AGBL4: variants seen among roughly 807,000 people sequenced by gnomAD.
The protein encoded by AGBL4 is cytosolic carboxypeptidase 6.
In AGBL4, 58 loss-of-function variants were observed where a neutral mutation model predicts 66.4. The ratio of observed to expected loss-of-function variants is 0.87; its 90% CI spans 0.71 to 1.09. The LOEUF (loss-of-function observed/expected upper bound fraction) is 1.09. AGBL4 is among the 50% of genes least tolerant of loss of function. The pLI, the probability that AGBL4 is intolerant of heterozygous loss-of-function variation, is 0.00. For missense variants in AGBL4, 579 were observed against 631.0 expected, an observed-to-expected ratio of 0.92 and a Z score of 0.88; for synonymous variants, 234 against 222.9, an observed-to-expected ratio of 1.05 and a Z score of -0.44.
intron 3 of AGBL4, among the ~76,000 whole-genome samples, chr1:49,652,085 T>C (rs1438288617): frequency 6.6e-6 from 1 of 152,010 alleles, no homozygotes; most frequent in Non-Finnish European, 1.5e-5. Flanking sequence ...AGACCAAGCA[T>C]AAGGAAGAAT....
intron 6 of AGBL4, among the ~76,000 whole-genome samples, chr1:48,775,286 C>G (rs1200587085): frequency 6.6e-6 from 1 of 152,154 alleles, no homozygotes; most frequent in African/African-American, 2.4e-5. Context: ...AGTTCTTCCA[C>G]TCTTCAACTT....
chr1:49,251,608 C>A (rs1652069107), intron 3 of AGBL4, among the ~76,000 whole-genome samples: 1 of 152,232 alleles, frequency 6.6e-6, no homozygotes, highest in African/African-American at 2.4e-5. Context: ...AGGGGCCCTG[C>A]CTCTTCACAA....
At chr1:49,079,150 T>G (rs986917129) in intron 4 of AGBL4, among the ~76,000 whole-genome samples, 1 of 152,202 alleles carries the variant, frequency 6.6e-6, no homozygotes, top group Non-Finnish European at 1.5e-5. Flanking sequence ...CAAAAATATT[T>G]ATTAAACCCA....
intron 3 of AGBL4, among the ~76,000 whole-genome samples, chr1:49,442,094 T>C (rs1463631371): frequency 6.6e-6 from 1 of 152,168 alleles, no homozygotes; most frequent in East Asian, 1.9e-4. Context: ...AGATCCAGTG[T>C]TGTCTTATTT....
At chr1:49,440,131 G>A (rs923714358) in intron 3 of AGBL4, among the ~76,000 whole-genome samples, 1 of 147,152 alleles carries the variant, frequency 6.8e-6, no homozygotes, top group Non-Finnish European at 1.5e-5. Context: ...GTGCAGTGGT[G>A]CAATCTCTGC....
At position 48,552,417 on chromosome 1, in the gene AGBL4, C is replaced by T. The variant is rs184395952; in HGVS notation, c.1268-12679G>A. On this transcript the variant is annotated intron_variant, in intron 11 of 13. Coordinates refer to ENST00000371839, the MANE Select transcript of AGBL4 (RefSeq NM_032785.4). ...TCAACAGATAAGTTATCAATCACCTCCTCTGTGCTGGGCCATGTAATAGGT... is the reference window on the plus strand; with the variant it reads ...TCAACAGATAAGTTATCAATCACCTTCTCTGTGCTGGGCCATGTAATAGGT... Among the ~76,000 whole-genome samples the T allele has an allele frequency of 2.3e-3, 345 of 152,330 alleles. 2 individuals carry two copies. The highest frequency in any genetic ancestry group is 8.0e-3 in the African/African-American group (331 of 41,564).
intron 5 of AGBL4, among the ~76,000 whole-genome samples, chr1:48,893,848 T>A (rs1651241023): frequency 6.6e-6 from 1 of 152,102 alleles, no homozygotes; most frequent in Admixed American, 6.5e-5. Flanking sequence ...TCTCAGTCTT[T>A]CAGCCTCTAG....
At chr1:49,995,402 T>C in intron 1 of AGBL4, 1 of 416,322 alleles carries the variant, frequency 2.4e-6, no homozygotes, top group Non-Finnish European at 4.8e-6. Flanking sequence ...GCCACCTGTA[T>C]GATGCAGAAG....
intron 1 of AGBL4, among the ~76,000 whole-genome samples, chr1:49,906,186 T>C (rs1433377330): frequency 6.6e-6 from 1 of 151,594 alleles, no homozygotes; most frequent in Non-Finnish European, 1.5e-5. Flanking sequence ...AGCATTGTTA[T>C]GTGGAAAAAA....
At chr1:49,442,781 A>T (rs1359196348) in intron 3 of AGBL4, among the ~76,000 whole-genome samples, 1 of 152,126 alleles carries the variant, frequency 6.6e-6, no homozygotes, top group Non-Finnish European at 1.5e-5. Flanking sequence ...CAGTAATGGG[A>T]TTGCTGGATC....
intron 6 of AGBL4, among the ~76,000 whole-genome samples, chr1:48,754,367 A>G (rs1652203116): frequency 1.3e-5 from 2 of 152,170 alleles, no homozygotes; most frequent in Admixed American, 6.5e-5. Flanking sequence ...TTGTTTTTTA[A>G]AAAGGCACTC....
At chr1:49,023,253 TA>T (rs1663383473) in intron 5 of AGBL4, among the ~76,000 whole-genome samples, 1 of 152,074 alleles carries the variant, frequency 6.6e-6, no homozygotes, top group South Asian at 2.1e-4. Flanking sequence ...GGACAAGGTT[TA>T]GATGAAAAAA....
At chr1:49,327,573 G>A (rs1645250664) in intron 3 of AGBL4, among the ~76,000 whole-genome samples, 1 of 152,180 alleles carries the variant, frequency 6.6e-6, no homozygotes, top group Non-Finnish European at 1.5e-5. Context: ...GCGCCTTGCT[G>A]CAGCATCCCC....
chr1:49,244,028 T>A (rs1032150429), intron 4 of AGBL4, among the ~76,000 whole-genome samples: 4 of 151,688 alleles, frequency 2.6e-5, no homozygotes, highest in African/African-American at 9.7e-5. Context: ...TTCAAAATCT[T>A]ATCAAGAGCC....
intron 3 of AGBL4, among the ~76,000 whole-genome samples, chr1:49,688,063 A>G (rs567712403): frequency 6.6e-6 from 1 of 152,342 alleles, no homozygotes; most frequent in Admixed American, 6.5e-5. Flanking sequence ...CCTTTGTCTT[A>G]TAAGCAATCC....
At chr1:48,690,654 A>G (rs1646614750) in intron 6 of AGBL4, among the ~76,000 whole-genome samples, 1 of 152,058 alleles carries the variant, frequency 6.6e-6, no homozygotes, top group Non-Finnish European at 1.5e-5. Flanking sequence ...CTATTTTTCC[A>G]TACAAAATAG....
chr1:48,905,701 A>T (rs1652518993), intron 5 of AGBL4, among the ~76,000 whole-genome samples: 3 of 152,224 alleles, frequency 2.0e-5, no homozygotes, highest in Admixed American at 2.0e-4. Context: ...GACTGTGTGT[A>T]AAGTTCAGGC....
At chr1:48,897,642 T>C (rs1651652010) in intron 5 of AGBL4, among the ~76,000 whole-genome samples, 1 of 152,182 alleles carries the variant, frequency 6.6e-6, no homozygotes, top group Admixed American at 6.5e-5. Context: ...CTTGCATCTG[T>C]TATTATCTGT....
chr1:49,035,753 T>TG (rs962999906), intron 5 of AGBL4, among the ~76,000 whole-genome samples: 27 of 152,024 alleles, frequency 1.8e-4, no homozygotes, highest in East Asian at 5.8e-4. Context: ...TGTGTGTAGG[T>TG]GGGGAGCTCT....
Sources: gnomAD v4.1 joint callset for allele counts (sites outside exome capture counted in the v4.1 genomes callset) on GRCh38, gnomAD v4.1.1 for gene constraint, MANE v1.5 for transcripts, NCBI Gene and HGNC (gene_info 2026-07-23, HGNC 2026-07-21) for gene names.